Variants in N4BP2 observed in about 807,000 individuals in gnomAD.
The protein encoded by N4BP2 is NEDD4-binding protein 2.
In N4BP2, 91 loss-of-function variants were observed where a neutral mutation model predicts 152.8. The ratio of observed to expected loss-of-function variants is 0.60; its 90% CI spans 0.50 to 0.71. The LOEUF is 0.71. Ranked by LOEUF, N4BP2 falls within the 30% of genes least tolerant of loss-of-function variation. The probability of loss-of-function intolerance (pLI) is 0.00; values close to 1 mark genes in which losing one functional copy is unlikely to be tolerated. For missense variants in N4BP2, 1,923 were observed against 2,059.1 expected (o/e 0.93, Z 1.28); for synonymous variants, 646 against 705.3 (o/e 0.92, Z 1.33).
At chr4:40,086,810 C>T (rs1377114765) in intron 2 of N4BP2, among the ~76,000 whole-genome samples, 6 of 151,930 alleles carry the variant, frequency 3.9e-5, no homozygotes, top group Non-Finnish European at 8.8e-5. Flanking sequence ...TGTAGTGGTG[C>T]GATCAGAGCT....
chr4:40,148,192 C>T (rs1720783965), intron 16 of N4BP2, among the ~76,000 whole-genome samples: 1 of 152,242 alleles, frequency 6.6e-6, no homozygotes, highest in South Asian at 2.1e-4. Flanking sequence ...ACTCCGTCTG[C>T]AATCCCGGCA....
At chr4:40,126,789 G>C (rs1560623005) in intron 12 of N4BP2, among the ~76,000 whole-genome samples, 2 of 151,982 alleles carry the variant, frequency 1.3e-5, no homozygotes, top group African/African-American at 4.8e-5. Flanking sequence ...ATGGAGTCTC[G>C]CTCTGTTGCC....
chr4:40,123,912 C>T (rs1050850055), intron 10 of N4BP2, among the ~76,000 whole-genome samples: 1 of 137,760 alleles, frequency 7.3e-6, no homozygotes, highest in African/African-American at 2.5e-5. Context: ...TCAGACCATT[C>T]TTCATAACAA....
intron 5 of N4BP2, among the ~76,000 whole-genome samples, 193 bp downstream of exon 5, chr4:40,107,217 G>A (rs567521197): frequency 6.6e-6 from 1 of 152,088 alleles, no homozygotes; most frequent in East Asian, 1.9e-4. Flanking sequence ...TCCCACCTTA[G>A]CCTCCCAAGT....
chr4:40,079,879 G>C (rs1253367966), intron 2 of N4BP2, among the ~76,000 whole-genome samples: 1 of 152,090 alleles, frequency 6.6e-6, no homozygotes, highest in Non-Finnish European at 1.5e-5. Context: ...CAGTGAGCAA[G>C]TATTGATTAG....
chr4:40,077,197 G>T (rs1712836521), intron 2 of N4BP2, among the ~76,000 whole-genome samples: 1 of 151,940 alleles, frequency 6.6e-6, no homozygotes, highest in Non-Finnish European at 1.5e-5. Context: ...GTCTTGCTCT[G>T]TTGCCCATGC....
At chr4:40,122,760 G>T (rs971576535) in intron 9 of N4BP2, among the ~76,000 whole-genome samples, 7 of 152,056 alleles carry the variant, frequency 4.6e-5, no homozygotes, top group Admixed American at 2.0e-4. Context: ...TTAATTGTAC[G>T]GATGAACCTT....
At position 40,088,657 on chromosome 4, in the gene N4BP2, C is replaced by T. The variant is rs532025317; in HGVS notation, c.-114-8570C>T. 3.9e-5 allele frequency among the ~76,000 whole-genome samples: 6 copies of T among 152,166 alleles called. No individual in the cohort carries two copies. The East Asian group carries it at 7.7e-4, about 20-fold the overall frequency. On this transcript the variant is annotated intron_variant, in intron 2 of 17. Transcript: ENST00000261435. ...CTGGGATTACAGGCATGCACCACTA[C>T]GCCTGGCTAATTTTGTATTTTTACT...
At chr4:40,186,596 T>C in the N4BP2 span, among the ~76,000 whole-genome samples, 1 of 152,224 alleles carries the variant, frequency 6.6e-6, no homozygotes, top group African/African-American at 2.4e-5. Context: ...AGAGGTTGCC[T>C]CTATAAACAT....
rs751924396 is a variant in N4BP2, at chr4:40,137,096, A to G, written c.4785+14A>G. 1.1e-5 allele frequency: 18 copies of G among 1,589,894 alleles called. No individual in the cohort carries two copies. The East Asian group carries it at 4.0e-4, about 36-fold the overall frequency. ...AAAGAGAAAAAGGTATGGAGTTACT[A>G]ATTTTTTTTCTACAAGGGTAGATAA... On this transcript the variant is annotated intron_variant, in intron 14 of 17. Transcript: ENST00000261435.
chr4:40,120,852 C>A lies in N4BP2; in HGVS notation c.2741C>A (p.Thr914Lys). The change falls in exon 9 of 18, where the codon ACA (threonine) becomes AAA (lysine). Residue 914 changes from threonine to lysine, a missense_variant. Coordinates refer to ENST00000261435, the MANE Select transcript of N4BP2 (RefSeq NM_018177.6). ...GLSEPNLEIG[T>K]NDKMNEISLS... is the part of the protein sequence containing the mutation. ...AGTGAGCCCAACCTAGAAATTGGAA[C>A]AAATGACAAAATGAATGAAATATCC... 1 of 1,614,040 alleles carries A rather than the reference C, an allele frequency of 6.2e-7. No homozygotes were observed. The highest frequency in any genetic ancestry group is 8.5e-7 in the Non-Finnish European group (1 of 1,180,002).
At chr4:40,135,956 T>C (rs1242407100) in intron 13 of N4BP2, among the ~76,000 whole-genome samples, 1 of 152,214 alleles carries the variant, frequency 6.6e-6, no homozygotes, top group African/African-American at 2.4e-5. Flanking sequence ...TAGTGTGAAA[T>C]ACTGAGCAGC....
intron 2 of N4BP2, among the ~76,000 whole-genome samples, chr4:40,091,526 G>A (rs1714543952): frequency 6.6e-6 from 1 of 150,568 alleles, no homozygotes; most frequent in Non-Finnish European, 1.5e-5. Flanking sequence ...TTAAAATGGT[G>A]GATTATACTG....
chr4:40,178,144 A>C, the N4BP2 span, among the ~76,000 whole-genome samples: 5 of 151,782 alleles, frequency 3.3e-5, no homozygotes, highest in Non-Finnish European at 7.4e-5. Flanking sequence ...TGGGTGACAG[A>C]GCGAGACTGG....
Position 40,106,933 on chromosome 4 carries a change from T to G in N4BP2, c.1407T>G (p.Ile469Met), listed in dbSNP as rs761490438. 6.2e-7 allele frequency: 1 copy of G among 1,612,046 alleles called. No individual in the cohort carries two copies. The highest frequency in any genetic ancestry group is 1.1e-5 in the South Asian group (1 of 90,976). Reference sequence around the variant, plus strand: ...AAGAGGATAATCCAAGTGGAGTCATTCTTAGTACTGATGATTATTTTTATA... The same window carrying G: ...AAGAGGATAATCCAAGTGGAGTCATGCTTAGTACTGATGATTATTTTTATA... ...TLQEDNPSGV[I>M]LSTDDYFYIN... is the part of the protein sequence containing the mutation. The change falls in exon 5 of 18, where the codon ATT (isoleucine) becomes ATG (methionine). Residue 469 changes from isoleucine (I) to methionine (M), a missense_variant. By Grantham distance (10) the Ile-to-Met change is conservative. Transcript: ENST00000261435.
intron 3 of N4BP2, among the ~76,000 whole-genome samples, chr4:40,099,741 T>C (rs936865507): frequency 2.0e-5 from 3 of 152,194 alleles, no homozygotes; most frequent in African/African-American, 7.2e-5. Context: ...TAAGGACTTT[T>C]TTTAATGTGA....
At chr4:40,111,207 G>A (rs1363957058) in intron 5 of N4BP2, among the ~76,000 whole-genome samples, 1 of 152,138 alleles carries the variant, frequency 6.6e-6, no homozygotes, top group African/African-American at 2.4e-5. Context: ...CTAATATAAC[G>A]AGGATACATT....
chr4:40,154,179 C>G lies in N4BP2; in HGVS notation c.5268-13C>G. 1 of 1,589,228 alleles carries G rather than the reference C, an allele frequency of 6.3e-7. No individual in the cohort carries two copies. Among genetic ancestry groups the G allele is most frequent in the South Asian group, 1.1e-5 (1 of 88,568 alleles). On this transcript the variant is annotated splice_polypyrimidine_tract_variant and intron_variant, in intron 17 of 17. Transcript: ENST00000261435. ...TTTTCATCTTTAAAATAACTCTTTT[C>G]TCATTTCTGCAGGTTCTCTGAAATT...
intron 2 of N4BP2, among the ~76,000 whole-genome samples, chr4:40,093,438 G>T (rs1026909468): frequency 6.6e-6 from 1 of 150,988 alleles, no homozygotes; most frequent in African/African-American, 2.4e-5. Context: ...ACAGAGTCTT[G>T]CCGTGTCACC....
Sources: allele counts gnomAD v4.1 joint callset (sites outside exome capture counted in the v4.1 genomes callset), GRCh38; gene constraint gnomAD v4.1.1; transcripts MANE v1.5; gene names NCBI Gene and HGNC (gene_info 2026-07-23, HGNC 2026-07-21).